GABRB1: variants seen among roughly 807,000 people sequenced by gnomAD.
The protein encoded by GABRB1 is gamma-aminobutyric acid receptor subunit beta-1.
Under a neutral mutation model 51.6 loss-of-function variants are expected in GABRB1, and 17 were observed. The ratio of observed to expected loss-of-function variants is 0.33; its 90% CI spans 0.23 to 0.49. GABRB1 has a LOEUF of 0.49. GABRB1 is among the 20% of genes least tolerant of loss of function. The pLI is 0.99. For synonymous variants in GABRB1, 247 were observed against 218.9 expected, an observed-to-expected ratio of 1.13 and a Z score of -1.14; for missense variants, 410 against 600.6, an observed-to-expected ratio of 0.68 and a Z score of 3.32.
At chr4:47,108,251 C>A (rs1488827557) in intron 3 of GABRB1, among the ~76,000 whole-genome samples, 2 of 151,978 alleles carry the variant, frequency 1.3e-5, no homozygotes, top group Non-Finnish European at 2.9e-5. Context: ...TAGCTTAGAT[C>A]TCAGTAGTCG....
At chr4:47,039,016 TGAAAGG>T (rs1725716014) in intron 3 of GABRB1, among the ~76,000 whole-genome samples, 1 of 152,130 alleles carries the variant, frequency 6.6e-6, no homozygotes, top group Non-Finnish European at 1.5e-5. Context: ...TTCTATCTAT[TGAAAGG>T]GAAAGACGTT....
chr4:47,109,952 T>C (rs930948197), intron 3 of GABRB1, among the ~76,000 whole-genome samples: 3 of 152,052 alleles, frequency 2.0e-5, no homozygotes, highest in Non-Finnish European at 2.9e-5. Flanking sequence ...AAGTTCAACA[T>C]TGTAGTGGAA....
chr4:47,268,409 A>G (rs926115339), intron 4 of GABRB1, among the ~76,000 whole-genome samples: 1 of 152,200 alleles, frequency 6.6e-6, no homozygotes. Flanking sequence ...TCCTTCAGAA[A>G]GCCTAAGGAG....
chr4:47,324,602 G>A (rs1264616960), intron 5 of GABRB1, among the ~76,000 whole-genome samples: 1 of 151,854 alleles, frequency 6.6e-6, no homozygotes, highest in Non-Finnish European at 1.5e-5. Flanking sequence ...CCCACCTCCC[G>A]CCTCTGCTAA....
chr4:47,194,307 A>C (rs1303772936), intron 4 of GABRB1, among the ~76,000 whole-genome samples: 1 of 152,172 alleles, frequency 6.6e-6, no homozygotes, highest in Admixed American at 6.5e-5. Flanking sequence ...ACTACACAAT[A>C]ATATACATAC....
At chr4:47,152,074 C>A (rs1464445160) in intron 3 of GABRB1, among the ~76,000 whole-genome samples, 1 of 151,978 alleles carries the variant, frequency 6.6e-6, no homozygotes, top group Non-Finnish European at 1.5e-5. Context: ...TCCTGGAAAT[C>A]TGTCAATTCT....
At chr4:47,007,862 A>G (rs1222926120) in intron 1 of GABRB1, among the ~76,000 whole-genome samples, 1 of 141,484 alleles carries the variant, frequency 7.1e-6, no homozygotes, top group Non-Finnish European at 1.5e-5. Context: ...ATACCTTGGA[A>G]CTGGTATATA....
At chr4:47,213,192 T>A (rs1311226018) in intron 4 of GABRB1, among the ~76,000 whole-genome samples, 1 of 152,212 alleles carries the variant, frequency 6.6e-6, no homozygotes, top group Non-Finnish European at 1.5e-5. Flanking sequence ...TCAGTAAAGA[T>A]AATTTTGTAT....
intron 3 of GABRB1, among the ~76,000 whole-genome samples, chr4:47,112,440 C>A (rs1715265185): frequency 6.6e-6 from 1 of 152,158 alleles, no homozygotes; most frequent in African/African-American, 2.4e-5. Flanking sequence ...TACTATATAG[C>A]AGAAAGTGAA....
chr4:47,369,520 C>G (rs1249313439), intron 5 of GABRB1, among the ~76,000 whole-genome samples: 1 of 151,832 alleles, frequency 6.6e-6, no homozygotes, highest in Non-Finnish European at 1.5e-5. Context: ...AGAATTAAAC[C>G]AGTAGCAGTT....
At chr4:47,105,786 C>T (rs1714942048) in intron 3 of GABRB1, among the ~76,000 whole-genome samples, 1 of 152,092 alleles carries the variant, frequency 6.6e-6, no homozygotes, top group Non-Finnish European at 1.5e-5. Context: ...CAGTTCTCTG[C>T]CCCCAATATT....
chr4:47,234,593 C>T (rs1339494172), intron 4 of GABRB1, among the ~76,000 whole-genome samples: 2 of 151,960 alleles, frequency 1.3e-5, no homozygotes, highest in Non-Finnish European at 2.9e-5. Flanking sequence ...TTTTCTACTT[C>T]GTTTAGAAAA....
chr4:47,127,341 T>C (rs1272648651), intron 3 of GABRB1, among the ~76,000 whole-genome samples: 1 of 151,746 alleles, frequency 6.6e-6, no homozygotes, highest in Non-Finnish European at 1.5e-5. Context: ...TACACACATA[T>C]ATGTACGTAT....
At chr4:47,287,578 A>G (rs1356177508) in intron 4 of GABRB1, among the ~76,000 whole-genome samples, 1 of 152,160 alleles carries the variant, frequency 6.6e-6, no homozygotes, top group East Asian at 1.9e-4. Context: ...TTTGTGTTAG[A>G]CAGCATCTAA....
At chr4:47,280,565 T>C (rs1723249490) in intron 4 of GABRB1, among the ~76,000 whole-genome samples, 1 of 151,396 alleles carries the variant, frequency 6.6e-6, no homozygotes, top group Admixed American at 6.6e-5. Context: ...TCTTATAAGG[T>C]AGGTGCAATT....
intron 4 of GABRB1, among the ~76,000 whole-genome samples, chr4:47,222,670 A>C (rs1034397696): frequency 6.6e-6 from 1 of 152,154 alleles, no homozygotes; most frequent in African/African-American, 2.4e-5. Flanking sequence ...TAAGCCACTC[A>C]ACTAGAAAAC....
intron 4 of GABRB1, among the ~76,000 whole-genome samples, chr4:47,282,529 A>G (rs1032597250): frequency 6.6e-6 from 1 of 152,210 alleles, no homozygotes; most frequent in Non-Finnish European, 1.5e-5. Context: ...CCAGCTCTTA[A>G]CTTCCACAAG....
At chr4:47,152,202 A>C (rs1474721221) in intron 3 of GABRB1, among the ~76,000 whole-genome samples, 1 of 151,962 alleles carries the variant, frequency 6.6e-6, no homozygotes, top group African/African-American at 2.4e-5. Context: ...AAGGATGAAC[A>C]ATTTTTCAGA....
At chr4:47,278,682 T>C (rs539474433) in intron 4 of GABRB1, among the ~76,000 whole-genome samples, 9 of 152,302 alleles carry the variant, frequency 5.9e-5, no homozygotes, top group African/African-American at 2.2e-4. Flanking sequence ...ACGTTTCCAT[T>C]TCTGCTCCAT....
Sources: gnomAD v4.1 joint callset for allele counts (sites outside exome capture counted in the v4.1 genomes callset) on GRCh38, gnomAD v4.1.1 for gene constraint, MANE v1.5 for transcripts, NCBI Gene and HGNC (gene_info 2026-07-23, HGNC 2026-07-21) for gene names.